Variants in HP observed in about 807,000 individuals in gnomAD.
HP encodes haptoglobin, also known as haptoglobin alpha(1S)-beta.
In HP, 9 loss-of-function variants were observed where a neutral mutation model predicts 23.2. That is an observed-to-expected ratio of 0.39 (90% CI 0.23 to 0.68). The LOEUF (loss-of-function observed/expected upper bound fraction) is 0.68, where lower values mean the gene tolerates loss of function less well. Ranked by LOEUF, HP falls within the 30% of genes least tolerant of loss-of-function variation. The probability of loss-of-function intolerance (pLI) is 0.47; values close to 1 mark genes in which losing one functional copy is unlikely to be tolerated. For synonymous variants in HP, 155 were observed against 183.3 expected, an observed-to-expected ratio of 0.85 and a Z score of 1.25; for missense variants, 433 against 483.6, an observed-to-expected ratio of 0.90 and a Z score of 0.98.
rs1005429775 is a variant in HP, at chr16:72,056,209, A to C, written c.54A>C (p.Ala18=). Residue 18 remains alanine (A), a synonymous_variant, in exon 2 of 7, where the codon GCA becomes GCC. Coordinates refer to ENST00000355906, the MANE Select transcript of HP (RefSeq NM_005143.5). ...TCCTGCTCTGGGGACAGCTTTTTGCAGTGGACTCAGGCAATGATGTCACGG... is the reference window on the plus strand; with the variant it reads ...TCCTGCTCTGGGGACAGCTTTTTGCCGTGGACTCAGGCAATGATGTCACGG... ...IALLLWGQLF[A]VDSGNDVTDI... 1 of 1,613,878 alleles carries C rather than the reference A, an allele frequency of 6.2e-7. No homozygotes were observed. The highest frequency in any genetic ancestry group is 8.5e-7 in the Non-Finnish European group (1 of 1,180,000).
At chr16:72,058,980 T>C in intron 5 of HP, 134 bp from the exon 6 acceptor site, 6 of 1,002,586 alleles carry the variant, frequency 6.0e-6, no homozygotes, top group Admixed American at 2.1e-5. Context: ...CCTTCTCATA[T>C]ACTCTCTCCT....
Position 72,060,455 on chromosome 16 carries a change from G to A in HP, c.786G>A (p.Val262=). 6.2e-7 allele frequency: 1 copy of A among 1,614,198 alleles called. No individual in the cohort carries two copies. The highest frequency in any genetic ancestry group is 1.1e-5 in the South Asian group (1 of 91,088). ...LKQKVSVNER[V]MPICLPSKDY... ...AGAAGGTGTCTGTTAATGAGAGAGT[G>A]ATGCCCATCTGCCTACCTTCAAAGG... The change falls in exon 7 of 7, where the codon GTG becomes GTA. Residue 262 remains valine (V), a synonymous_variant. Coordinates refer to ENST00000355906, the MANE Select transcript of HP (RefSeq NM_005143.5).
intron 6 of HP, chr16:72,059,800 G>T: frequency 2.0e-6 from 1 of 507,604 alleles, no homozygotes; most frequent in African/African-American, 1.9e-5. Context: ...TCAGGGAATT[G>T]TGGAAATTCC....
chr16:72,059,201 C>A lies in HP; in HGVS notation c.442+13C>A. 6.4e-7 allele frequency: 1 copy of A among 1,565,034 alleles called. No individual in the cohort carries two copies. The highest frequency in any genetic ancestry group is 8.7e-7 in the Non-Finnish European group (1 of 1,148,418). On this transcript the variant is annotated intron_variant, in intron 6 of 6. Transcript: ENST00000355906. Reference sequence around the variant, plus strand: ...GAATGTGAAGCAGGTGGGTGCTGAGCACTTAAGAGAGCAGGCAGGCGTCCA... The same window carrying A: ...GAATGTGAAGCAGGTGGGTGCTGAGAACTTAAGAGAGCAGGCAGGCGTCCA...
intron 2 of HP, 134 bp from the exon 3 acceptor site, chr16:72,056,396 C>T (rs2041463596): frequency 6.3e-7 from 1 of 1,575,102 alleles, no homozygotes; most frequent in Admixed American, 1.9e-5. Flanking sequence ...ATGAGGGGAG[C>T]TTGCCTTTCC....
chr16:72,054,704 C>A, intron 1 of HP, 47 bp downstream of exon 1: 9 of 1,611,892 alleles, frequency 5.6e-6, no homozygotes, highest in Non-Finnish European at 7.6e-6. Flanking sequence ...TTCTTTATTT[C>A]AGTCTTTTTT....
chr16:72,060,365 G>T lies in HP; in HGVS notation c.696G>T (p.Glu232Asp), dbSNP rs771869392. Residue 232 changes from glutamate (E) to aspartate (D), a missense_variant, in exon 7 of 7, where the codon GAG (glutamate) becomes GAT (aspartate). This residue lies in a region of HP where 326 missense variants were observed against 358.1 expected (regional missense o/e 0.91). Transcript: ENST00000355906. The part of the protein sequence containing the change: ...TLYVGKKQLV[E>D]IEKVVLHPNY... ...ATGTGGGGAAAAAGCAGCTTGTAGA[G>T]ATTGAGAAGGTTGTTCTACACCCTA... 1.2e-6 allele frequency: 2 copies of T among 1,614,124 alleles called. No individual in the cohort carries two copies. The highest frequency in any genetic ancestry group is 1.7e-6 in the Non-Finnish European group (2 of 1,180,032).
At position 72,060,176 on chromosome 16, in the gene HP, C is replaced by T. The variant is rs746394301; in HGVS notation, c.507C>T (p.Ala169=). The stretch of plus-strand genomic sequence containing the variant: ...GGATCCTGGGTGGACACCTGGATGC[C>T]AAAGGCAGCTTTCCCTGGCAGGCTA... ...VQRILGGHLD[A]KGSFPWQAKM... The change falls in exon 7 of 7, where the codon GCC becomes GCT. Residue 169 remains alanine, a synonymous_variant. Coordinates refer to ENST00000355906, the MANE Select transcript of HP (RefSeq NM_005143.5). 1.2e-6 allele frequency: 2 copies of T among 1,614,004 alleles called. No individual in the cohort carries two copies. The highest frequency in any genetic ancestry group is 3.3e-5 in the Admixed American group (2 of 60,014).
chr16:72,059,092 C>T, intron 5 of HP, 22 bp from the exon 6 acceptor site: 1 of 1,560,732 alleles, frequency 6.4e-7, no homozygotes, highest in Admixed American at 1.7e-5. Context: ...TCCTTTGGCT[C>T]ACTTCTTGCC....
chr16:72,056,051 G>A, intron 1 of HP, 110 bp from the exon 2 acceptor site: 1 of 1,482,912 alleles, frequency 6.7e-7, no homozygotes, highest in South Asian at 1.1e-5. Context: ...AGGAGTGTGT[G>A]TGTATGCATG....
intron 2 of HP, 41 bp downstream of exon 2, chr16:72,056,284 C>T (rs2041461405): frequency 1.9e-6 from 3 of 1,593,196 alleles, no homozygotes; most frequent in Middle Eastern, 3.3e-4. Context: ...CCCACTCTGA[C>T]CCTCTCGGGT....
At position 72,060,495 on chromosome 16, in the gene HP, G is replaced by C; in HGVS notation, c.826G>C (p.Gly276Arg). ...ACCTTCAAAGGATTATGCAGAAGTA[G>C]GGCGTGTGGGTTATGTTTCTGGCTG... is the stretch of plus-strand genomic sequence containing the variant. Reference protein sequence around the residue: ...CLPSKDYAEVGRVGYVSGWGR... With the variant: ...CLPSKDYAEVRRVGYVSGWGR... Residue 276 changes from glycine (G) to arginine (R), a missense_variant, in exon 7 of 7, where the codon GGG (glycine) becomes CGG (arginine). This residue lies in a region of HP where 326 missense variants were observed against 358.1 expected (regional missense o/e 0.91). Coordinates refer to ENST00000355906, the MANE Select transcript of HP (RefSeq NM_005143.5). The C allele has an allele frequency of 6.2e-7, 1 of 1,614,168 alleles. No homozygotes were observed. The highest frequency in any genetic ancestry group is 8.5e-7 in the Non-Finnish European group (1 of 1,180,034).
rs1382374735 is a variant in HP at position 72,060,347 on chromosome 16, G to C, written c.678G>C (p.Gly226=). The stretch of plus-strand genomic sequence containing the variant: ...CCCCTACTTTAACACTCTATGTGGG[G>C]AAAAAGCAGCTTGTAGAGATTGAGA... The part of the protein sequence containing the change: ...DIAPTLTLYV[G]KKQLVEIEKV... Residue 226 remains glycine, a synonymous_variant, in exon 7 of 7, where the codon GGG becomes GGC. Transcript: ENST00000355906. 1.2e-6 allele frequency: 2 copies of C among 1,614,000 alleles called. No homozygotes were observed. Among genetic ancestry groups the C allele is most frequent in the African/African-American group, 1.3e-5 (1 of 74,902 alleles).
At position 72,056,160 on chromosome 16, in the gene HP, G is replaced by A. The variant is rs1287468479; in HGVS notation, c.6-1G>A. 6.2e-7 allele frequency: 1 copy of A among 1,613,890 alleles called. No individual in the cohort carries two copies. Among genetic ancestry groups the A allele is most frequent in the South Asian group, 1.1e-5 (1 of 91,084 alleles). On this transcript the variant is annotated splice_acceptor_variant, in intron 1 of 6. Transcript: ENST00000355906. LOFTEE classifies it high-confidence loss of function. ...CACTCCTCCTTGTCTTCTCTCTGCA[G>A]TGCCCTGGGAGCTGTCATTGCCCTC...
Position 72,056,163 on chromosome 16 carries a change from C to G in HP, c.8C>G (p.Ala3Gly). 6.2e-7 allele frequency: 1 copy of G among 1,613,708 alleles called. No homozygotes were observed. The highest frequency in any genetic ancestry group is 8.5e-7 in the Non-Finnish European group (1 of 1,179,808). The change falls in exon 2 of 7, where the codon GCC becomes GGC. Residue 3 changes from alanine (A) to glycine (G), a missense_variant and splice_region_variant. This residue lies in a region of HP where 71 missense variants were observed against 54.2 expected (regional missense o/e 1.31). Coordinates refer to ENST00000355906, the MANE Select transcript of HP (RefSeq NM_005143.5). ...TCCTCCTTGTCTTCTCTCTGCAGTG[C>G]CCTGGGAGCTGTCATTGCCCTCCTG... MS[A>G]LGAVIALLLW... is the part of the protein sequence containing the mutation.
rs556625699 is a variant in HP, at chr16:72,060,601, G to C, written c.932G>C (p.Arg311Thr). The change falls in exon 7 of 7, where the codon AGG (arginine) becomes ACG (threonine). Residue 311 changes from arginine to threonine, a missense_variant. Arg to Thr is a moderately conservative substitution (Grantham distance 71). Around this residue, in one of 3 missense-constraint regions of HP, gnomAD observed 326 missense variants for 358.1 expected, o/e 0.91. Transcript: ENST00000355906. ...LPVADQDQCIRHYEGSTVPEK... is the reference protein window; with the variant it reads ...LPVADQDQCITHYEGSTVPEK... The stretch of plus-strand genomic sequence containing the variant: ...GTGGCTGACCAAGACCAATGCATAA[G>C]GCATTATGAAGGCAGCACAGTCCCC... 1.1e-5 allele frequency: 18 copies of C among 1,614,110 alleles called. No individual in the cohort carries two copies. The highest frequency in any genetic ancestry group is 5.3e-5 in the African/African-American group (4 of 75,038).
In HP at chr16:72,054,918, C is replaced by G. The variant is rs376537240; in HGVS notation, c.5+261C>G. The G allele has an allele frequency of 8.4e-5, 55 of 656,754 alleles. 2 individuals carry two copies. The highest frequency in any genetic ancestry group is 4.7e-4 in the Admixed American group (16 of 34,170). 40.7% of individuals were successfully genotyped at this position (656,754 alleles called of 1,614,324 possible). A position where few individuals can be genotyped will look rare whatever the true frequency, so the allele number is the denominator to read the frequency against. ...ACATTTTTGACTTTATAGGGTATGTCATCAGCTCCCGTGGTAGGCTTCCTG... is the reference window on the plus strand; with the variant it reads ...ACATTTTTGACTTTATAGGGTATGTGATCAGCTCCCGTGGTAGGCTTCCTG... On this transcript the variant is annotated intron_variant, in intron 1 of 6. Coordinates refer to ENST00000355906, the MANE Select transcript of HP (RefSeq NM_005143.5).
chr16:72,058,047 T>C (rs2041484336), intron 4 of HP: 3 of 658,070 alleles, frequency 4.6e-6, no homozygotes, highest in Non-Finnish European at 7.2e-6. Context: ...GAATGAATTA[T>C]TGTAGCCCCT....
intron 5 of HP, 109 bp from the exon 6 acceptor site, chr16:72,059,005 T>C: frequency 8.5e-7 from 1 of 1,175,420 alleles, no homozygotes; most frequent in Admixed American, 1.9e-5. Context: ...CCCTTCCTTT[T>C]TGTCCCCTTT....
Sources: gnomAD v4.1 joint callset for allele counts on GRCh38, gnomAD v4.1.1 for gene constraint, gnomAD v4.1.1 regional missense constraint, MANE v1.5 for transcripts, NCBI Gene and HGNC (gene_info 2026-07-23, HGNC 2026-07-21) for gene names.